The following AGAP1 variants were observed in gnomAD, a reference collection of about 807,000 sequenced individuals.
AGAP1 encodes the protein ArfGAP with GTPase domain, ankyrin repeat and PH domain 1, also known as arf-GAP with GTPase, ANK repeat and PH domain-containing protein 1.
AGAP1 carries 29 observed loss-of-function variants against 105.3 expected under a neutral mutation model. The ratio of observed to expected loss-of-function variants is 0.28; its 90% CI spans 0.21 to 0.38. The LOEUF (loss-of-function observed/expected upper bound fraction) is 0.38, where lower values mean the gene tolerates loss of function less well. AGAP1 is among the 10% of genes least tolerant of loss of function. The probability of loss-of-function intolerance (pLI) is 1.00; values close to 1 mark genes in which losing one functional copy is unlikely to be tolerated. For synonymous variants in AGAP1, 509 were observed against 485.9 expected (o/e 1.05, Z -0.63); for missense variants, 998 against 1,165.1 (o/e 0.86, Z 2.09).
chr2:235,767,164 G>C (rs937355856), intron 6 of AGAP1, among the ~76,000 whole-genome samples: 1 of 152,086 alleles, frequency 6.6e-6, no homozygotes, highest in African/African-American at 2.4e-5. Flanking sequence ...GCCCACCTTG[G>C]CCTCCCAAAG....
chr2:235,780,633 T>G (rs552690752), intron 6 of AGAP1, among the ~76,000 whole-genome samples: 37 of 152,290 alleles, frequency 2.4e-4, no homozygotes, highest in African/African-American at 8.4e-4. Context: ...GATAAGAAAT[T>G]TATAGTCCTT....
Position 236,014,884 on chromosome 2 carries a change from C to A in AGAP1, c.1646-21677C>A, listed in dbSNP as rs1193853909. On this transcript the variant is annotated intron_variant, in intron 13 of 17. Transcript: ENST00000304032. This position sits in a 1 kb window ranked among gnomAD's most constrained non-coding sequence, Gnocchi z 6.3. The stretch of plus-strand genomic sequence containing the variant: ...GCAGCAGCACCAACACTGAAGGTAA[C>A]GCCTCCGCACCTCCACCCGCCCACA... The A allele has an allele frequency of 4.8e-6, 2 of 417,290 alleles. No individual in the cohort carries two copies. The highest frequency in any genetic ancestry group is 8.7e-5 in the East Asian group (1 of 11,528). The allele number at this position is 417,290 out of a possible 1,614,324, so 25.8% of individuals were successfully genotyped here.
rs572257533 is a variant in AGAP1, at chr2:235,919,965, G to A, written c.1325-10800G>A. 4.6e-5 allele frequency among the ~76,000 whole-genome samples: 7 copies of A among 152,180 alleles called. No individual in the cohort carries two copies. The East Asian group carries it at 7.7e-4, about 17-fold the overall frequency. ...ACACTGTCGGAATCTGGAGCAGCAC[G>A]TGTTCCTTCAGCAGATAAAAATGGC... On this transcript the variant is annotated intron_variant, in intron 11 of 17. Transcript: ENST00000304032. The surrounding 1 kb of genome is among the most constrained non-coding windows in gnomAD (Gnocchi z 4.1).
In AGAP1 at chr2:235,618,307, G is replaced by T. The variant is rs1217854643; in HGVS notation, c.164-90872G>T. On this transcript the variant is annotated intron_variant, in intron 1 of 17. Coordinates refer to ENST00000304032, the MANE Select transcript of AGAP1 (RefSeq NM_001037131.3). Reference sequence around the variant, plus strand: ...GGAAAATTCCAGTAGGTTTTTGTAGGTGATTTTTCGGGAGCAGTTGGTTTT... The same window carrying T: ...GGAAAATTCCAGTAGGTTTTTGTAGTTGATTTTTCGGGAGCAGTTGGTTTT... Among the ~76,000 whole-genome samples, 3 of 152,098 alleles carry T rather than the reference G, an allele frequency of 2.0e-5. No homozygotes were observed. In the East Asian group the frequency reaches 5.8e-4, roughly 29 times the overall value.
In AGAP1 at chr2:235,889,745, ATGT is replaced by A. The variant is rs1426750027; in HGVS notation, c.1155+6302_1155+6304del. On this transcript the variant is annotated intron_variant, in intron 10 of 17. Transcript: ENST00000304032. This position sits in a 1 kb window ranked among gnomAD's most constrained non-coding sequence, Gnocchi z 4.6. ...AAACCTTTTTCTCCAGGTCTGTTTC[ATGT>A]TGTTGAAAACCTCAAACCTTTTTCT... Among the ~76,000 whole-genome samples, 1 of 152,202 alleles carries A rather than the reference ATGT, an allele frequency of 6.6e-6. No homozygotes were observed. Among genetic ancestry groups the A allele is most frequent in the East Asian group, 1.9e-4 (1 of 5,174 alleles).
In AGAP1 at chr2:235,994,836, G is replaced by A. The variant is rs897387665; in HGVS notation, c.1645+26213G>A. 9.3e-5 allele frequency among the ~76,000 whole-genome samples: 14 copies of A among 151,206 alleles called. No homozygotes were observed. The highest frequency in any genetic ancestry group is 1.9e-4 in the Non-Finnish European group (13 of 67,794). ...AATCCTAGCACTTTGGGAGGCCGAGGCGGGCGGATCACGAGGTCAGGAGTT... is the reference window on the plus strand; with the variant it reads ...AATCCTAGCACTTTGGGAGGCCGAGACGGGCGGATCACGAGGTCAGGAGTT... On this transcript the variant is annotated intron_variant, in intron 13 of 17. Coordinates refer to ENST00000304032, the MANE Select transcript of AGAP1 (RefSeq NM_001037131.3). This position sits in a 1 kb window ranked among gnomAD's most constrained non-coding sequence, Gnocchi z 4.4.
chr2:235,600,458 ATCCCCGCTGGATTAGGGT>A lies in AGAP1; in HGVS notation c.163+105612_163+105629del, dbSNP rs1443717735. On this transcript the variant is annotated intron_variant, in intron 1 of 17. Transcript: ENST00000304032. This position sits in a 1 kb window ranked among gnomAD's most constrained non-coding sequence, Gnocchi z 4.8. ...TACCCCCTCATTACAGACCCCCACCATCCCCGCTGGATTAGGGTTCTCTAGAGGGATGGAACCAATAGG... is the reference window on the plus strand; with the variant it reads ...TACCCCCTCATTACAGACCCCCACCATCTCTAGAGGGATGGAACCAATAGG... Among the ~76,000 whole-genome samples the A allele has an allele frequency of 6.0e-4, 91 of 151,814 alleles. No individual in the cohort carries two copies. The highest frequency in any genetic ancestry group is 1.6e-4 in the Non-Finnish European group (11 of 67,920).
rs2149343956 is a variant in AGAP1, at chr2:235,664,204, AGTTTGTTTTTTT to A, written c.164-44970_164-44959del. ...CTTAATAGATTGGATTTTAATATAT[AGTTTGTTTTTTT>A]GTTTTTTTTTTCGAGACGGAGTTTC... is the stretch of plus-strand genomic sequence containing the variant. On this transcript the variant is annotated intron_variant, in intron 1 of 17. Transcript: ENST00000304032. The surrounding 1 kb of genome is among the most constrained non-coding windows in gnomAD (Gnocchi z 5.7). Among the ~76,000 whole-genome samples the A allele has an allele frequency of 6.6e-6, 1 of 151,542 alleles. No homozygotes were observed. Among genetic ancestry groups the A allele is most frequent in the South Asian group, 2.1e-4 (1 of 4,792 alleles).
chr2:236,047,900 C>T (rs2057770961), intron 15 of AGAP1, among the ~76,000 whole-genome samples: 2 of 152,078 alleles, frequency 1.3e-5, no homozygotes, highest in African/African-American at 4.8e-5. Flanking sequence ...CCACCGCACC[C>T]AGCCTCTTCT....
At chr2:235,956,614 T>G (rs1316464934) in intron 12 of AGAP1, among the ~76,000 whole-genome samples, 1 of 152,058 alleles carries the variant, frequency 6.6e-6, no homozygotes, top group Non-Finnish European at 1.5e-5. Flanking sequence ...CAGAGGAGTA[T>G]GACCTGGGAG....
At position 236,012,038 on chromosome 2, in the gene AGAP1, C is replaced by T. The variant is rs114407273; in HGVS notation, c.1646-24523C>T. Among the ~76,000 whole-genome samples the T allele has an allele frequency of 0.02, 2,999 of 152,162 alleles. 93 individuals are homozygous for T. Among genetic ancestry groups the T allele is most frequent in the African/African-American group, 0.067 (2,797 of 41,506 alleles). ...AAGGGAACTTAGAGCAATCAATGCCCCCGGAGACCGATGCACATATCAGGA... is the reference window on the plus strand; with the variant it reads ...AAGGGAACTTAGAGCAATCAATGCCTCCGGAGACCGATGCACATATCAGGA... On this transcript the variant is annotated intron_variant, in intron 13 of 17. Coordinates refer to ENST00000304032, the MANE Select transcript of AGAP1 (RefSeq NM_001037131.3). This position sits in a 1 kb window ranked among gnomAD's most constrained non-coding sequence, Gnocchi z 4.9.
chr2:236,077,735 C>T (rs544322399), intron 16 of AGAP1, among the ~76,000 whole-genome samples: 10 of 152,118 alleles, frequency 6.6e-5, no homozygotes, highest in Non-Finnish European at 1.3e-4. Flanking sequence ...ATTGAAATAC[C>T]GCTGGGTTGA....
chr2:236,052,760 G>C (rs2057940531), intron 16 of AGAP1, among the ~76,000 whole-genome samples: 1 of 152,154 alleles, frequency 6.6e-6, no homozygotes, highest in Admixed American at 6.5e-5. Flanking sequence ...GAGGGGAGAG[G>C]ATGCCCTTTG....
chr2:235,820,239 T>C (rs1242375962), intron 9 of AGAP1, among the ~76,000 whole-genome samples: 3 of 152,240 alleles, frequency 2.0e-5, no homozygotes, highest in Admixed American at 2.0e-4. Flanking sequence ...TTTAAAAGAA[T>C]ATGTTATATT....
intron 6 of AGAP1, 107 bp from the exon 7 acceptor site, chr2:235,797,652 C>T (rs895413603): frequency 3.2e-5 from 45 of 1,422,846 alleles, no homozygotes; most frequent in Non-Finnish European, 3.9e-5. Context: ...GCTATTACTG[C>T]GAAAGAAGGA....
chr2:236,120,476 C>G lies in AGAP1; in HGVS notation c.2370+29C>G, dbSNP rs760928524. 6.2e-7 allele frequency: 1 copy of G among 1,610,002 alleles called. No homozygotes were observed. The highest frequency in any genetic ancestry group is 8.5e-7 in the Non-Finnish European group (1 of 1,179,148). ...GGTGGTCGGCACGCCTGGCAGAGGA[C>G]GGGGCCACAGGAGGCACTCTCTGCT... On this transcript the variant is annotated intron_variant, in intron 17 of 17. Coordinates refer to ENST00000304032, the MANE Select transcript of AGAP1 (RefSeq NM_001037131.3). This position sits in a 1 kb window ranked among gnomAD's most constrained non-coding sequence, Gnocchi z 6.0.
intron 9 of AGAP1, among the ~76,000 whole-genome samples, chr2:235,815,078 T>G (rs1020789047): frequency 2.6e-5 from 4 of 152,160 alleles, no homozygotes; most frequent in Non-Finnish European, 4.4e-5. Flanking sequence ...AGCTTTCCAC[T>G]GCTGTCCCCC....
Position 236,051,404 on chromosome 2 carries a change from G to T in AGAP1, c.2114+2123G>T, listed in dbSNP as rs537226288. ...GGGCTGCCTGAGGATGCCAGGGCTC[G>T]GGAGGGTGCATTCTGGGAGGTGTCA... On this transcript the variant is annotated intron_variant, in intron 16 of 17. Coordinates refer to ENST00000304032, the MANE Select transcript of AGAP1 (RefSeq NM_001037131.3). The surrounding 1 kb of genome is among the most constrained non-coding windows in gnomAD (Gnocchi z 5.9). 1.3e-5 allele frequency among the ~76,000 whole-genome samples: 2 copies of T among 152,194 alleles called. No individual in the cohort carries two copies. Among genetic ancestry groups the T allele is most frequent in the African/African-American group, 4.8e-5 (2 of 41,462 alleles).
rs1439934541 is a variant in AGAP1, at chr2:236,114,551, G to A, written c.2115-5641G>A. On this transcript the variant is annotated intron_variant, in intron 16 of 17. Coordinates refer to ENST00000304032, the MANE Select transcript of AGAP1 (RefSeq NM_001037131.3). This position sits in a 1 kb window ranked among gnomAD's most constrained non-coding sequence, Gnocchi z 5.0. ...TCTGGAGGCTGGAAGTCTGGAGTCA[G>A]GGTGCCCGCAGGGTTGGTTCTGGTG... Among the ~76,000 whole-genome samples, 3 of 152,196 alleles carry A rather than the reference G, an allele frequency of 2.0e-5. No individual in the cohort carries two copies. Among genetic ancestry groups the A allele is most frequent in the Non-Finnish European group, 4.4e-5 (3 of 68,036 alleles).
Sources: allele counts gnomAD v4.1 joint callset (sites outside exome capture counted in the v4.1 genomes callset), GRCh38; gene constraint gnomAD v4.1.1; non-coding constraint Gnocchi (gnomAD v3.1); transcripts MANE v1.5; gene names NCBI Gene and HGNC (gene_info 2026-07-23, HGNC 2026-07-21).